The following PDK1 variants were observed in gnomAD, a reference collection of about 807,000 sequenced individuals.
The protein encoded by PDK1 is [Pyruvate dehydrogenase (acetyl-transferring)] kinase isozyme 1, mitochondrial.
Under a neutral mutation model 54.2 loss-of-function variants are expected in PDK1, and 39 were observed. The observed-to-expected ratio is 0.72, with a 90% CI of 0.56 to 0.94. The LOEUF (loss-of-function observed/expected upper bound fraction) is 0.94, where lower values mean the gene tolerates loss of function less well. Among genes scored for constraint, PDK1 ranks in the 40% least tolerant of loss-of-function variants. PDK1 has a pLI of 0.00. For synonymous variants in PDK1, 221 were observed against 207.1 expected, an observed-to-expected ratio of 1.07 and a Z score of -0.58; for missense variants, 552 against 566.0, an observed-to-expected ratio of 0.98 and a Z score of 0.25.
the PDK1 span, among the ~76,000 whole-genome samples, chr2:172,637,944 C>T: frequency 6.6e-6 from 1 of 152,276 alleles, no homozygotes; most frequent in East Asian, 1.9e-4. Flanking sequence ...GTGATCCACC[C>T]TCAGCCTCCC....
At chr2:172,663,184 G>T in the PDK1 span, among the ~76,000 whole-genome samples, 1 of 152,174 alleles carries the variant, frequency 6.6e-6, no homozygotes, top group African/African-American at 2.4e-5. Flanking sequence ...TCCTGGACTT[G>T]TAGATGACCA....
chr2:172,593,732 G>A (rs1350645338), intron 10 of PDK1, among the ~76,000 whole-genome samples: 1 of 152,162 alleles, frequency 6.6e-6, no homozygotes, highest in Non-Finnish European at 1.5e-5. Context: ...AATGGACACA[G>A]AAGCACTTAG....
the PDK1 span, among the ~76,000 whole-genome samples, chr2:172,676,211 C>T: frequency 6.6e-6 from 1 of 152,162 alleles, no homozygotes; most frequent in Admixed American, 6.5e-5. Flanking sequence ...ACACAACATC[C>T]ATTCTGCAGT....
the PDK1 span, among the ~76,000 whole-genome samples, chr2:172,637,417 G>A: frequency 1.3e-5 from 2 of 151,328 alleles, no homozygotes; most frequent in Non-Finnish European, 3.0e-5. Context: ...AGTTGGCCCC[G>A]TACCTGATAC....
At chr2:172,580,309 C>T (rs1419027603) in intron 8 of PDK1, among the ~76,000 whole-genome samples, 1 of 151,274 alleles carries the variant, frequency 6.6e-6, no homozygotes, top group Non-Finnish European at 1.5e-5. Context: ...CAGCTACTTT[C>T]CCGTTAAGGT....
intron 7 of PDK1, 148 bp from the exon 8 acceptor site, chr2:172,570,578 A>G (rs1445465830): frequency 6.1e-6 from 3 of 488,422 alleles, no homozygotes; most frequent in Non-Finnish European, 1.1e-5. Flanking sequence ...CCATTAAAAA[A>G]AAAACTTTAA....
chr2:172,712,660 C>T, the PDK1 span, among the ~76,000 whole-genome samples: 1 of 152,168 alleles, frequency 6.6e-6, no homozygotes, highest in Non-Finnish European at 1.5e-5. Context: ...CTTGGAGATA[C>T]CAGGAACCAC....
chr2:172,556,166 C>A lies in PDK1; in HGVS notation c.16C>A (p.Leu6Met). The A allele has an allele frequency of 7.1e-7, 1 of 1,415,368 alleles. No individual in the cohort carries two copies. The highest frequency in any genetic ancestry group is 9.2e-7 in the Non-Finnish European group (1 of 1,092,036). 87.7% of individuals were successfully genotyped at this position (1,415,368 alleles called of 1,614,324 possible). A position where few individuals can be genotyped will look rare whatever the true frequency, so the allele number is the denominator to read the frequency against. ...GGGACTCGGCATGAGGCTGGCGCGG[C>A]TGCTTCGCGGAGCCGCCTTGGCCGG... MRLARLLRGAALAGPG... is the reference protein window; with the variant it reads MRLARMLRGAALAGPG... Residue 6 changes from leucine (L) to methionine (M), a missense_variant, in exon 1 of 11, where the codon CTG (leucine) becomes ATG (methionine). Coordinates refer to ENST00000282077, the MANE Select transcript of PDK1 (RefSeq NM_002610.5).
chr2:172,626,218 A>C, the PDK1 span, among the ~76,000 whole-genome samples: 1 of 152,146 alleles, frequency 6.6e-6, no homozygotes, highest in Non-Finnish European at 1.5e-5. Context: ...TTATTATCTG[A>C]AATGTAAGTA....
At chr2:172,699,984 A>C in the PDK1 span, among the ~76,000 whole-genome samples, 2 of 152,316 alleles carry the variant, frequency 1.3e-5, no homozygotes, top group South Asian at 4.1e-4. Flanking sequence ...GCCTTCAAGC[A>C]TCTGTTTAAC....
At chr2:172,720,604 T>A in the PDK1 span, among the ~76,000 whole-genome samples, 1 of 152,178 alleles carries the variant, frequency 6.6e-6, no homozygotes, top group Non-Finnish European at 1.5e-5. Context: ...CTTGCATCTT[T>A]GGCAAATCTT....
At chr2:172,716,297 A>G in the PDK1 span, among the ~76,000 whole-genome samples, 1 of 152,154 alleles carries the variant, frequency 6.6e-6, no homozygotes, top group Non-Finnish European at 1.5e-5. Context: ...CTTGGCTAAA[A>G]TACTTGTTAC....
chr2:172,703,552 G>A, the PDK1 span, among the ~76,000 whole-genome samples: 5,906 of 151,956 alleles, frequency 0.039, 386 homozygotes, highest in African/African-American at 0.13. Flanking sequence ...GACCCAACCC[G>A]ACAATAATAA....
the PDK1 span, among the ~76,000 whole-genome samples, chr2:172,684,080 G>A: frequency 1.3e-5 from 2 of 152,176 alleles, no homozygotes; most frequent in African/African-American, 4.8e-5. Context: ...TGATAGGGAG[G>A]AGAGAAATAT....
Position 172,605,198 on chromosome 2 carries a change from A to G in PDK1, c.*9229A>G, listed in dbSNP as rs931853688. The stretch of plus-strand genomic sequence containing the variant: ...ATTTCTAAGTGAGGATCCAGTCAAC[A>G]GGAGGCACAAGAGATAGAACCAAAT... On this transcript the variant is annotated 3_prime_UTR_variant, in exon 11 of 11. Transcript: ENST00000282077. 4 of 152,228 alleles carry G rather than the reference A, an allele frequency of 2.6e-5. No individual in the cohort carries two copies. Among genetic ancestry groups the G allele is most frequent in the East Asian group, 1.9e-4 (1 of 5,186 alleles). 9.4% of individuals were successfully genotyped at this position (152,228 alleles called of 1,614,324 possible).
chr2:172,670,828 G>C, the PDK1 span, among the ~76,000 whole-genome samples: 13 of 152,174 alleles, frequency 8.5e-5, no homozygotes, highest in African/African-American at 2.9e-4. Context: ...GTTATAAGAG[G>C]GATTGATAGT....
the PDK1 span, among the ~76,000 whole-genome samples, chr2:172,630,632 AT>A: frequency 0.64 from 91,578 of 144,038 alleles, 30,121 homozygotes; most frequent in East Asian, 0.74. Context: ...CTCTAATGGA[AT>A]TTTTTTTTTT....
At chr2:172,559,420 A>C (rs1334894455) in intron 2 of PDK1, among the ~76,000 whole-genome samples, 1 of 152,238 alleles carries the variant, frequency 6.6e-6, no homozygotes, top group Non-Finnish European at 1.5e-5. Context: ...TATATCTTCA[A>C]GGATATTATA....
chr2:172,689,703 A>G, the PDK1 span, among the ~76,000 whole-genome samples: 36 of 152,328 alleles, frequency 2.4e-4, no homozygotes, highest in South Asian at 7.5e-3. Flanking sequence ...CCACACATCT[A>G]CAACCCTCTG....
Sources: allele counts gnomAD v4.1 joint callset (sites outside exome capture counted in the v4.1 genomes callset), GRCh38; gene constraint gnomAD v4.1.1; transcripts MANE v1.5; gene names NCBI Gene and HGNC (gene_info 2026-07-23, HGNC 2026-07-21).